PAGR1: variants seen among roughly 807,000 people sequenced by gnomAD.
PAGR1 encodes PAXIP1-associated glutamate-rich protein 1.
Under a neutral mutation model 22.4 loss-of-function variants are expected in PAGR1, and 20 were observed. The observed-to-expected ratio is 0.89, with a 90% confidence interval of 0.63 to 1.30. The LOEUF is 1.30. Among genes scored for constraint, PAGR1 ranks in the 50% most tolerant of loss-of-function variants. PAGR1 has a pLI of 0.00. For synonymous variants in PAGR1, 161 were observed against 148.3 expected, an observed-to-expected ratio of 1.09 and a Z score of -0.62; for missense variants, 338 against 343.6, an observed-to-expected ratio of 0.98 and a Z score of 0.13.
intron 2 of PAGR1, chr16:29,819,286 A>G: frequency 2.2e-6 from 1 of 463,574 alleles, no homozygotes; most frequent in South Asian, 3.0e-5. Context: ...CTTTGAACAG[A>G]ACTCTGTTCT....
In PAGR1 at chr16:29,817,002, G is replaced by A; in HGVS notation, c.477G>A (p.Glu159=). The part of the protein sequence containing the change: ...DEEPEAKEEE[E]EKPHMPTEFD... ...AGCCGGAGGCCAAAGAAGAGGAAGAGGAAAAGTAAAGGCACACCCTTACAC... is the reference window on the plus strand; with the variant it reads ...AGCCGGAGGCCAAAGAAGAGGAAGAAGAAAAGTAAAGGCACACCCTTACAC... The change falls in exon 1 of 3, where the codon GAG becomes GAA. Residue 159 remains glutamate (E), a synonymous_variant. Transcript: ENST00000320330. 6.4e-7 allele frequency: 1 copy of A among 1,565,764 alleles called. No homozygotes were observed. Among genetic ancestry groups the A allele is most frequent in the Non-Finnish European group, 8.6e-7 (1 of 1,158,028 alleles).
At position 29,816,362 on chromosome 16, in the gene PAGR1, G is replaced by A. The variant is rs776365585; in HGVS notation, c.-164G>A. On this transcript the variant is annotated 5_prime_UTR_variant, in exon 1 of 3. Transcript: ENST00000320330. ...TCTCCGGGGCGGGGTCCTTGGTGGG[G>A]ACTGAGCGCCCCCTCCCGGGGACGG... 9.0e-4 allele frequency: 587 copies of A among 654,022 alleles called. 4 individuals are homozygous for A. The highest frequency in any genetic ancestry group is 3.4e-4 in the Non-Finnish European group (152 of 441,818). 40.5% of individuals were successfully genotyped at this position (654,022 alleles called of 1,614,324 possible).
At position 29,816,826 on chromosome 16, in the gene PAGR1, G is replaced by A; in HGVS notation, c.301G>A (p.Asp101Asn). 6.4e-7 allele frequency: 1 copy of A among 1,563,500 alleles called. No homozygotes were observed. The highest frequency in any genetic ancestry group is 8.7e-7 in the Non-Finnish European group (1 of 1,154,644). The stretch of plus-strand genomic sequence containing the variant: ...CGACGAGGAGGTGGAGCTGCCTGCG[G>A]ATGGGCAGCCCTGGATGCCCCCGCC... ...CSDEEVELPA[D>N]GQPWMPPPSE... The change falls in exon 1 of 3, where the codon GAT (aspartate) becomes AAT (asparagine). Residue 101 changes from aspartate (D) to asparagine (N), a missense_variant. Transcript: ENST00000320330.
At chr16:29,819,110 C>G (rs1301552588) in intron 2 of PAGR1, among the ~76,000 whole-genome samples, 1 of 152,110 alleles carries the variant, frequency 6.6e-6, no homozygotes, top group Non-Finnish European at 1.5e-5. Flanking sequence ...ATTCTTCTGC[C>G]TCAGCCTCCC....
Position 29,819,900 on chromosome 16 carries a change from A to G in PAGR1, c.*146A>G. 2 of 874,570 alleles carry G rather than the reference A, an allele frequency of 2.3e-6. No homozygotes were observed. Among genetic ancestry groups the G allele is most frequent in the Non-Finnish European group, 3.4e-6 (2 of 587,438 alleles). The allele number at this position is 874,570 out of a possible 1,614,324, so 54.2% of individuals were successfully genotyped here. On this transcript the variant is annotated 3_prime_UTR_variant, in exon 3 of 3. Coordinates refer to ENST00000320330, the MANE Select transcript of PAGR1 (RefSeq NM_024516.4). ...CACGTTGCGGGAAAGAGGAAGAGAG[A>G]GTGTGAGTGTGTGTGTGTGTTTTTT...
chr16:29,821,007 T>G lies in PAGR1; in HGVS notation c.*1253T>G, dbSNP rs533620068. The G allele has an allele frequency of 6.6e-6, 1 of 152,438 alleles. No homozygotes were observed. Among genetic ancestry groups the G allele is most frequent in the South Asian group, 2.1e-4 (1 of 4,828 alleles). 9.4% of individuals were successfully genotyped at this position (152,438 alleles called of 1,614,324 possible). On this transcript the variant is annotated 3_prime_UTR_variant, in exon 3 of 3. Transcript: ENST00000320330. ...CTCCTCCATGCAGGGCTGGGCCAGC[T>G]GTTGGTCTCAGTCGATCATTCAGGA...
Position 29,816,610 on chromosome 16 carries a change from C to G in PAGR1, c.85C>G (p.Gln29Glu). The change falls in exon 1 of 3, where the codon CAG becomes GAG. Residue 29 changes from glutamine to glutamate, a missense_variant. Physicochemically the swap from Gln to Glu is conservative, Grantham distance 29. This residue lies in a region of PAGR1 where 235 missense variants were observed against 216.0 expected (regional missense o/e 1.09). Coordinates refer to ENST00000320330, the MANE Select transcript of PAGR1 (RefSeq NM_024516.4). Reference sequence around the variant, plus strand: ...AGAAGGGGAAGTGACCTCCGGCCTCCAGGCTCTGGCCGTGGAGGATACCGG... The same window carrying G: ...AGAAGGGGAAGTGACCTCCGGCCTCGAGGCTCTGGCCGTGGAGGATACCGG... ...SEEGEVTSGL[Q>E]ALAVEDTGGP... 1 of 1,519,654 alleles carries G rather than the reference C, an allele frequency of 6.6e-7. No individual in the cohort carries two copies. The highest frequency in any genetic ancestry group is 8.8e-7 in the Non-Finnish European group (1 of 1,137,690). 94.1% of individuals were successfully genotyped at this position (1,519,654 alleles called of 1,614,324 possible). A position where few individuals can be genotyped will look rare whatever the true frequency, so the allele number is the denominator to read the frequency against.
Position 29,817,300 on chromosome 16 carries a change from C to G in PAGR1, c.565+8C>G, listed in dbSNP as rs1162512444. 2.5e-6 allele frequency: 4 copies of G among 1,613,542 alleles called. No homozygotes were observed. Among genetic ancestry groups the G allele is most frequent in the Non-Finnish European group, 3.4e-6 (4 of 1,179,736 alleles). ...ACCGGAGACGCACCCCAGGTACAAACGAAGAGGAAACAGTTGGGGGAGGTG... is the reference window on the plus strand; with the variant it reads ...ACCGGAGACGCACCCCAGGTACAAAGGAAGAGGAAACAGTTGGGGGAGGTG... On this transcript the variant is annotated splice_region_variant and intron_variant, in intron 2 of 2. Transcript: ENST00000320330.
chr16:29,817,799 A>G (rs771768117), intron 2 of PAGR1, among the ~76,000 whole-genome samples: 1 of 152,068 alleles, frequency 6.6e-6, no homozygotes, highest in Non-Finnish European at 1.5e-5. Flanking sequence ...AGACAATTAT[A>G]ATACAAAAAA....
rs1417888013 is a variant in PAGR1 at position 29,816,908 on chromosome 16, A to C, written c.383A>C (p.Gln128Pro). 1 of 1,562,760 alleles carries C rather than the reference A, an allele frequency of 6.4e-7. No homozygotes were observed. Among genetic ancestry groups the C allele is most frequent in the Non-Finnish European group, 8.6e-7 (1 of 1,156,316 alleles). Residue 128 changes from glutamine to proline, a missense_variant, in exon 1 of 3, where the codon CAA becomes CCA. Coordinates refer to ENST00000320330, the MANE Select transcript of PAGR1 (RefSeq NM_024516.4). ...GCTGCCCACGGTACTCTGGAGCTGC[A>C]AGCCGAGATCCTGCCCCGCCGGCCT... ...LLAAHGTLEL[Q>P]AEILPRRPPT...
chr16:29,817,405 C>T (rs781397107), intron 2 of PAGR1, 113 bp downstream of exon 2: 2 of 926,852 alleles, frequency 2.2e-6, no homozygotes, highest in Non-Finnish European at 3.4e-6. Context: ...CAACTTACAG[C>T]TGCAGGAGAG....
intron 2 of PAGR1, chr16:29,818,024 C>T (rs144155645): frequency 3.5e-4 from 54 of 152,250 alleles, no homozygotes; most frequent in African/African-American, 1.2e-3. Context: ...TGGAAAATTA[C>T]AGATAATTCT....
Position 29,816,567 on chromosome 16 carries a change from G to A in PAGR1, c.42G>A (p.Thr14=). The A allele has an allele frequency of 6.6e-7, 1 of 1,512,160 alleles. No individual in the cohort carries two copies. Among genetic ancestry groups the A allele is most frequent in the African/African-American group, 1.4e-5 (1 of 71,674 alleles). The allele number at this position is 1,512,160 out of a possible 1,614,324, so 93.7% of individuals were successfully genotyped here. Residue 14 remains threonine (T), a synonymous_variant, in exon 1 of 3, where the codon ACG becomes ACA. Coordinates refer to ENST00000320330, the MANE Select transcript of PAGR1 (RefSeq NM_024516.4). ...ARGHGDTAAS[T]AAPLSEEGEV... Reference sequence around the variant, plus strand: ...GCCATGGAGACACTGCGGCCAGTACGGCGGCGCCTCTGTCTGAAGAAGGGG... The same window carrying A: ...GCCATGGAGACACTGCGGCCAGTACAGCGGCGCCTCTGTCTGAAGAAGGGG...
At position 29,817,084 on chromosome 16, in the gene PAGR1, G is replaced by A; in HGVS notation, c.482+77G>A. 5.1e-6 allele frequency: 8 copies of A among 1,561,882 alleles called. No homozygotes were observed. In the South Asian group the frequency reaches 9.4e-5, roughly 18 times the overall value. ...AGGAAATAGGGAGGGGAAAATGTGG[G>A]ACGCTGGAACCTTTGAAAGTGGAGG... On this transcript the variant is annotated intron_variant, in intron 1 of 2. Coordinates refer to ENST00000320330, the MANE Select transcript of PAGR1 (RefSeq NM_024516.4).
rs768488595 is a variant in PAGR1, at chr16:29,819,721, G to T, written c.732G>T (p.Gly244=). 18 of 1,613,166 alleles carry T rather than the reference G, an allele frequency of 1.1e-5. No homozygotes were observed. Among genetic ancestry groups the T allele is most frequent in the Non-Finnish European group, 1.2e-5 (14 of 1,179,630 alleles). ...CCAGCCCCCCACTCCGATCCTCCGG[G>T]AGTAGTCTCTTCCCTCGGCAGCGGA... ...SPASPPLRSS[G]SSLFPRQRKY The change falls in exon 3 of 3, where the codon GGG becomes GGT. Residue 244 remains glycine (G), a synonymous_variant. Transcript: ENST00000320330.
chr16:29,818,557 A>T (rs1002154335), intron 2 of PAGR1: 1 of 152,154 alleles, frequency 6.6e-6, no homozygotes, highest in African/African-American at 2.4e-5. Context: ...TTTAAAACAT[A>T]AATCATATCA....
rs142285591 is a variant in PAGR1 at position 29,819,705 on chromosome 16, C to G, written c.716C>G (p.Pro239Arg). 1.5e-4 allele frequency: 237 copies of G among 1,613,690 alleles called. No homozygotes were observed. The highest frequency in any genetic ancestry group is 1.7e-4 in the Non-Finnish European group (204 of 1,180,024). The change falls in exon 3 of 3, where the codon CCA becomes CGA. Residue 239 changes from proline (P) to arginine (R), a missense_variant. Physicochemically the swap from Pro to Arg is moderately radical, Grantham distance 103. Transcript: ENST00000320330. ...GAGGACCCCAGCCCCGCCAGCCCCC[C>G]ACTCCGATCCTCCGGGAGTAGTCTC... The part of the protein sequence containing the change: ...DSEDPSPASP[P>R]LRSSGSSLFP...
In PAGR1 at chr16:29,816,479, T is replaced by C; in HGVS notation, c.-47T>C. ...AGCCCGATCCCTGGGGGACCCTGGC[T>C]TCGGACTCCAGTATCTGTCGTCGCA... On this transcript the variant is annotated 5_prime_UTR_variant, in exon 1 of 3. Coordinates refer to ENST00000320330, the MANE Select transcript of PAGR1 (RefSeq NM_024516.4). 1 of 1,423,196 alleles carries C rather than the reference T, an allele frequency of 7.0e-7. No individual in the cohort carries two copies. The highest frequency in any genetic ancestry group is 9.2e-7 in the Non-Finnish European group (1 of 1,085,330). 88.2% of individuals were successfully genotyped at this position (1,423,196 alleles called of 1,614,324 possible).
chr16:29,817,222 C>T lies in PAGR1; in HGVS notation c.495C>T (p.Pro165=), dbSNP rs753737944. The T allele has an allele frequency of 8.7e-6, 14 of 1,613,920 alleles. No homozygotes were observed. The highest frequency in any genetic ancestry group is 1.3e-5 in the African/African-American group (1 of 74,878). ...TCACCTGTCCCAGACCACACATGCCCACGGAATTTGATTTTGATGATGAGC... is the reference window on the plus strand; with the variant it reads ...TCACCTGTCCCAGACCACACATGCCTACGGAATTTGATTTTGATGATGAGC... ...KEEEEEKPHM[P]TEFDFDDEPV... The change falls in exon 2 of 3, where the codon CCC becomes CCT. Residue 165 remains proline (P), a synonymous_variant. Coordinates refer to ENST00000320330, the MANE Select transcript of PAGR1 (RefSeq NM_024516.4).
Sources: gnomAD v4.1 joint callset for allele counts (sites outside exome capture counted in the v4.1 genomes callset) on GRCh38, gnomAD v4.1.1 for gene constraint, gnomAD v4.1.1 regional missense constraint, MANE v1.5 for transcripts, NCBI Gene and HGNC (gene_info 2026-07-23, HGNC 2026-07-21) for gene names.